The following ROBO1 variants were observed in gnomAD, a reference collection of about 807,000 sequenced individuals.
ROBO1 encodes the protein roundabout homolog 1.
Under a neutral mutation model 195.9 loss-of-function variants are expected in ROBO1, and 149 were observed. That is an observed-to-expected ratio of 0.76 (90% CI 0.67 to 0.87). The LOEUF (loss-of-function observed/expected upper bound fraction) is 0.87, where lower values mean the gene tolerates loss of function less well. Among genes scored for constraint, ROBO1 ranks in the 40% least tolerant of loss-of-function variants. The pLI, the probability that ROBO1 is intolerant of heterozygous loss-of-function variation, is 0.00. For missense variants in ROBO1, 1,933 were observed against 2,068.3 expected (o/e 0.93, Z 1.27); for synonymous variants, 816 against 733.2 (o/e 1.11, Z -1.82).
At chr3:79,576,005 G>T (rs910744194) in intron 2 of ROBO1, among the ~76,000 whole-genome samples, 33 of 151,732 alleles carry the variant, frequency 2.2e-4, no homozygotes, top group African/African-American at 8.0e-4. Flanking sequence ...TGATTTCTTT[G>T]ATTTGAATTT....
chr3:79,416,584 G>C (rs2106901942), intron 2 of ROBO1, among the ~76,000 whole-genome samples: 1 of 150,562 alleles, frequency 6.6e-6, no homozygotes, highest in African/African-American at 2.4e-5. Flanking sequence ...CTCCAGCCTG[G>C]GTGAGAGAGT....
chr3:79,696,666 G>A (rs1032498720), intron 1 of ROBO1, among the ~76,000 whole-genome samples: 2 of 151,232 alleles, frequency 1.3e-5, no homozygotes, highest in Non-Finnish European at 3.0e-5. Flanking sequence ...AAAAAAGGAG[G>A]CAGAGGTAAA....
intron 2 of ROBO1, among the ~76,000 whole-genome samples, chr3:79,491,639 A>T (rs754096243): frequency 1.2e-4 from 18 of 152,182 alleles, no homozygotes; most frequent in Non-Finnish European, 1.5e-5. Context: ...AGAGTGAAAG[A>T]ATTCTGTAGC....
At chr3:79,738,025 T>G (rs1175466709) in intron 1 of ROBO1, among the ~76,000 whole-genome samples, 1 of 152,146 alleles carries the variant, frequency 6.6e-6, no homozygotes, top group Non-Finnish European at 1.5e-5. Flanking sequence ...GGAGTGACAA[T>G]GTACTTCTTC....
At chr3:79,456,335 CTCATA>C (rs761229405) in intron 2 of ROBO1, among the ~76,000 whole-genome samples, 27 of 152,062 alleles carry the variant, frequency 1.8e-4, no homozygotes, top group Non-Finnish European at 2.6e-4. Context: ...TCAAGCCTAA[CTCATA>C]TCAGTGAAAA....
At chr3:78,733,996 T>C (rs2082338237) in intron 5 of ROBO1, among the ~76,000 whole-genome samples, 1 of 152,240 alleles carries the variant, frequency 6.6e-6, no homozygotes, top group Non-Finnish European at 1.5e-5. Context: ...TGTATCATTT[T>C]AATACAGCAC....
intron 2 of ROBO1, among the ~76,000 whole-genome samples, chr3:79,287,724 C>T (rs759899568): frequency 6.6e-6 from 1 of 152,096 alleles, no homozygotes; most frequent in Non-Finnish European, 1.5e-5. Context: ...CCCGCCTATA[C>T]AACTTTTTAT....
At chr3:79,472,893 C>T (rs999256132) in intron 2 of ROBO1, among the ~76,000 whole-genome samples, 2 of 151,962 alleles carry the variant, frequency 1.3e-5, no homozygotes, top group African/African-American at 4.8e-5. Flanking sequence ...GAAAGTTCTT[C>T]TTGAAAGAGG....
intron 1 of ROBO1, among the ~76,000 whole-genome samples, chr3:79,711,453 AT>A (rs1378625294): frequency 1.3e-5 from 2 of 152,186 alleles, no homozygotes; most frequent in Non-Finnish European, 2.9e-5. Flanking sequence ...ATTGCATTTA[AT>A]TTTTTGGTTT....
At position 78,884,504 on chromosome 3, in the gene ROBO1, G is replaced by A. The variant is rs1576341995; in HGVS notation, c.499+54097C>T. 7.3e-5 allele frequency among the ~76,000 whole-genome samples: 11 copies of A among 151,430 alleles called. 1 individual carries two copies. The South Asian group carries it at 2.3e-3, about 32-fold the overall frequency. On this transcript the variant is annotated intron_variant, in intron 4 of 30. Transcript: ENST00000464233. The stretch of plus-strand genomic sequence containing the variant: ...ATGGTGGCACACATCTGTCATCCCA[G>A]CTACTCAGGGACTGAGATGGGAGGA...
At chr3:79,069,656 G>A (rs749631747) in intron 3 of ROBO1, among the ~76,000 whole-genome samples, 7 of 151,880 alleles carry the variant, frequency 4.6e-5, no homozygotes, top group African/African-American at 9.7e-5. Flanking sequence ...GAAGCAGTAA[G>A]TGGTTACAGA....
At chr3:78,993,655 A>G (rs1203296729) in intron 3 of ROBO1, among the ~76,000 whole-genome samples, 1 of 152,096 alleles carries the variant, frequency 6.6e-6, no homozygotes, top group African/African-American at 2.4e-5. Context: ...CGTGAATCAC[A>G]CCAGATCGGG....
chr3:78,908,836 T>C (rs897300327), intron 4 of ROBO1, among the ~76,000 whole-genome samples: 9 of 151,890 alleles, frequency 5.9e-5, no homozygotes, highest in Admixed American at 1.3e-4. Flanking sequence ...TTTAGTCTTT[T>C]TAACAGGCCT....
At chr3:78,979,924 A>C (rs1360506126) in intron 3 of ROBO1, among the ~76,000 whole-genome samples, 1 of 152,126 alleles carries the variant, frequency 6.6e-6, no homozygotes, top group Non-Finnish European at 1.5e-5. Flanking sequence ...ACAGTAATAA[A>C]ACTGCTTTCT....
intron 2 of ROBO1, among the ~76,000 whole-genome samples, chr3:79,457,224 TTCA>T (rs1478022539): frequency 6.6e-6 from 1 of 152,178 alleles, no homozygotes; most frequent in South Asian, 2.1e-4. Flanking sequence ...ATAATCAGCA[TTCA>T]TCAACTGAAC....
At chr3:79,450,503 A>C (rs2039407403) in intron 2 of ROBO1, among the ~76,000 whole-genome samples, 2 of 152,172 alleles carry the variant, frequency 1.3e-5, no homozygotes, top group Admixed American at 1.3e-4. Context: ...ATAATGTATT[A>C]GTTTTATGAA....
intron 1 of ROBO1, among the ~76,000 whole-genome samples, chr3:79,707,840 A>C (rs1480725026): frequency 6.6e-6 from 1 of 152,148 alleles, no homozygotes. Context: ...AATTTAACTG[A>C]GCCAGTCAAA....
chr3:78,963,386 A>G (rs1208240675), intron 3 of ROBO1, among the ~76,000 whole-genome samples: 2 of 151,170 alleles, frequency 1.3e-5, no homozygotes, highest in African/African-American at 4.9e-5. Context: ...TGGGTTAGAA[A>G]TAATTTGAGT....
chr3:79,305,332 C>T (rs191848652), intron 2 of ROBO1, among the ~76,000 whole-genome samples: 2 of 151,810 alleles, frequency 1.3e-5, no homozygotes, highest in East Asian at 3.9e-4. Context: ...ACTAAAAATA[C>T]AAAAATTAGC....
Sources: gnomAD v4.1 joint callset for allele counts (sites outside exome capture counted in the v4.1 genomes callset) on GRCh38, gnomAD v4.1.1 for gene constraint, MANE v1.5 for transcripts, NCBI Gene and HGNC (gene_info 2026-07-23, HGNC 2026-07-21) for gene names.